The following ARID2 variants were observed in gnomAD, a reference collection of about 807,000 sequenced individuals.
ARID2 encodes the protein AT-rich interactive domain-containing protein 2.
Under a neutral mutation model 184.6 loss-of-function variants are expected in ARID2, and 32 were observed. The ratio of observed to expected loss-of-function variants is 0.17; its 90% CI spans 0.13 to 0.23. The LOEUF (loss-of-function observed/expected upper bound fraction) is 0.23. Among genes scored for constraint, ARID2 ranks in the 10% least tolerant of loss-of-function variants. The probability of loss-of-function intolerance (pLI) is 1.00; values close to 1 mark genes in which losing one functional copy is unlikely to be tolerated. For synonymous variants in ARID2, 836 were observed against 772.6 expected (o/e 1.08, Z -1.36); for missense variants, 1,696 against 2,197.6 (o/e 0.77, Z 4.56).
rs747970557 is a variant in ARID2 at position 45,904,922 on chromosome 12, GT to G, written c.5364-5del. 6.2e-7 allele frequency: 1 copy of G among 1,611,698 alleles called. No individual in the cohort carries two copies. The highest frequency in any genetic ancestry group is 8.5e-7 in the Non-Finnish European group (1 of 1,179,168). Reference sequence around the variant, plus strand: ...CTTGGAGACTGACAATCTTCTATATGTTTTTTTGCAGATTGTTAAAGAGACA... The same window carrying G: ...CTTGGAGACTGACAATCTTCTATATGTTTTTTGCAGATTGTTAAAGAGACA... On this transcript the variant is annotated splice_polypyrimidine_tract_variant and intron_variant, in intron 20 of 20. Coordinates refer to ENST00000334344, the MANE Select transcript of ARID2 (RefSeq NM_152641.4).
At chr12:45,811,745 C>G (rs943256905) in intron 4 of ARID2, among the ~76,000 whole-genome samples, 194 bp downstream of exon 4, 7 of 152,146 alleles carry the variant, frequency 4.6e-5, no homozygotes, top group African/African-American at 1.7e-4. Context: ...ATTTTAGTTG[C>G]AGGAATTTTT....
chr12:45,782,360 G>A (rs554695489), intron 3 of ARID2, among the ~76,000 whole-genome samples: 2 of 152,232 alleles, frequency 1.3e-5, no homozygotes, highest in Middle Eastern at 3.4e-3. Flanking sequence ...AGCTGGGCAC[G>A]GTGGCTCATG....
chr12:45,780,776 G>C (rs1424330617), intron 3 of ARID2, among the ~76,000 whole-genome samples: 1 of 151,838 alleles, frequency 6.6e-6, no homozygotes, highest in Non-Finnish European at 1.5e-5. Context: ...CTGCCACCAC[G>C]CCTGGCTAAT....
intron 3 of ARID2, among the ~76,000 whole-genome samples, chr12:45,771,088 G>A (rs986773128): frequency 3.3e-5 from 5 of 152,248 alleles, no homozygotes; most frequent in Middle Eastern, 3.4e-3. Context: ...CACCACCAGC[G>A]AAGGTAATTA....
chr12:45,835,631 G>A (rs1943206273), intron 6 of ARID2, among the ~76,000 whole-genome samples: 1 of 152,208 alleles, frequency 6.6e-6, no homozygotes, highest in South Asian at 2.1e-4. Context: ...GCCGGGCGCT[G>A]TGGCTCATGC....
chr12:45,905,954 T>C lies in ARID2; in HGVS notation c.*876T>C. ...TTTTCTTTTTTCTTTTTTTTTTTCT[T>C]TTTTTTTTTGTATTATACACCTTGT... is the stretch of plus-strand genomic sequence containing the variant. On this transcript the variant is annotated 3_prime_UTR_variant, in exon 21 of 21. Coordinates refer to ENST00000334344, the MANE Select transcript of ARID2 (RefSeq NM_152641.4). 5 of 220,642 alleles carry C rather than the reference T, an allele frequency of 2.3e-5. No individual in the cohort carries two copies. Among genetic ancestry groups the C allele is most frequent in the Non-Finnish European group, 1.7e-5 (2 of 114,868 alleles). The allele number at this position is 220,642 out of a possible 1,614,324, so 13.7% of individuals were successfully genotyped here. A position where few individuals can be genotyped will look rare whatever the true frequency, so the allele number is the denominator to read the frequency against.
At chr12:45,811,583 G>C (rs2138083250) in intron 4 of ARID2, 32 bp downstream of exon 4, 6 of 1,604,470 alleles carry the variant, frequency 3.7e-6, no homozygotes, top group Non-Finnish European at 5.1e-6. Flanking sequence ...CAGGATATAT[G>C]TCCGCAGTTT....
At chr12:45,895,039 GTTTC>G (rs1315459048) in intron 20 of ARID2, among the ~76,000 whole-genome samples, 2 of 152,182 alleles carry the variant, frequency 1.3e-5, no homozygotes, top group East Asian at 1.9e-4. Context: ...TCAGACATGA[GTTTC>G]TTTGTGTAGC....
intron 3 of ARID2, among the ~76,000 whole-genome samples, chr12:45,800,650 A>AAAG (rs3071491): frequency 0.62 from 93,226 of 151,566 alleles, 30,691 homozygotes; most frequent in African/African-American, 0.87. Context: ...TCATCACTGA[A>AAAG]AAGCAGTGTT....
At position 45,837,669 on chromosome 12, in the gene ARID2, T is replaced by C. The variant is rs2138132679; in HGVS notation, c.1292T>C (p.Val431Ala). The C allele has an allele frequency of 6.2e-7, 1 of 1,613,800 alleles. No homozygotes were observed. Among genetic ancestry groups the C allele is most frequent in the Non-Finnish European group, 8.5e-7 (1 of 1,179,744 alleles). The change falls in exon 10 of 21, where the codon GTT becomes GCT. Residue 431 changes from valine (V) to alanine (A), a missense_variant. Physicochemically the swap from Val to Ala is moderately conservative, Grantham distance 64. Transcript: ENST00000334344. ...TACATGCTCACGGAAATGGGAGATG[T>C]TGCTTGCACAAAAATTGCAAAAGTA... is the stretch of plus-strand genomic sequence containing the variant. The part of the protein sequence containing the change: ...VLYMLTEMGD[V>A]ACTKIAKVEK...
chr12:45,755,350 T>C (rs2138000876), intron 3 of ARID2, among the ~76,000 whole-genome samples: 1 of 152,304 alleles, frequency 6.6e-6, no homozygotes, highest in East Asian at 1.9e-4. Context: ...GTGGCAGGAA[T>C]GGCAAACACA....
chr12:45,780,610 A>AATT lies in ARID2; in HGVS notation c.285-30789_285-30787dup, dbSNP rs569637304. 7.8e-3 allele frequency among the ~76,000 whole-genome samples: 1,180 copies of AATT among 151,624 alleles called. 12 individuals are homozygous for AATT. Among genetic ancestry groups the AATT allele is most frequent in the African/African-American group, 0.023 (940 of 41,366 alleles). Reference sequence around the variant, plus strand: ...TTACATTTTAAAGTAAATTGATATAAATTATTATTATTATTATTATTTTTG... The same window carrying AATT: ...TTACATTTTAAAGTAAATTGATATAAATTATTATTATTATTATTATTATTTTTG... On this transcript the variant is annotated intron_variant, in intron 3 of 20. Transcript: ENST00000334344.
intron 3 of ARID2, among the ~76,000 whole-genome samples, chr12:45,735,356 A>G (rs574223397): frequency 6.6e-5 from 10 of 151,998 alleles, no homozygotes; most frequent in Non-Finnish European, 1.3e-4. Flanking sequence ...TGGAGATTGG[A>G]AGACAAATAT....
intron 3 of ARID2, among the ~76,000 whole-genome samples, chr12:45,779,626 A>G (rs1592071341): frequency 6.6e-6 from 1 of 152,098 alleles, no homozygotes; most frequent in Non-Finnish European, 1.5e-5. Flanking sequence ...ATAGACTTTC[A>G]CTTGAACTTT....
In ARID2 at chr12:45,852,479, A is replaced by C. The variant is rs747462829; in HGVS notation, c.4356A>C (p.Leu1452=). Residue 1452 remains leucine (L), a synonymous_variant, in exon 15 of 21, where the codon CTA becomes CTC. Coordinates refer to ENST00000334344, the MANE Select transcript of ARID2 (RefSeq NM_152641.4). ...FSGTDLLNGP[L]ASSLNSDVPQ... ...GTACTGATTTGCTTAATGGACCTCT[A>C]GCTTCAAGTTTGAATTCAGATGTGC... 6.8e-6 allele frequency: 11 copies of C among 1,614,176 alleles called. No individual in the cohort carries two copies. Among genetic ancestry groups the C allele is most frequent in the Non-Finnish European group, 9.3e-6 (11 of 1,180,014 alleles).
intron 3 of ARID2, among the ~76,000 whole-genome samples, chr12:45,779,712 A>C (rs898523369): frequency 2.0e-5 from 3 of 152,126 alleles, no homozygotes; most frequent in Admixed American, 6.5e-5. Context: ...AGTTTTGCCA[A>C]ATCAAAACTT....
intron 3 of ARID2, among the ~76,000 whole-genome samples, chr12:45,756,680 G>C (rs574107684): frequency 1.3e-5 from 2 of 152,312 alleles, no homozygotes; most frequent in East Asian, 3.9e-4. Context: ...TAGAAGAGTG[G>C]AGGAGGCTGG....
chr12:45,788,573 A>G (rs563624759), intron 3 of ARID2, among the ~76,000 whole-genome samples: 1 of 152,178 alleles, frequency 6.6e-6, no homozygotes, highest in Admixed American at 6.5e-5. Flanking sequence ...CTACGATTTG[A>G]TTAAGAAGTA....
At chr12:45,835,868 C>G (rs1480214028) in intron 6 of ARID2, among the ~76,000 whole-genome samples, 2 of 151,750 alleles carry the variant, frequency 1.3e-5, no homozygotes, top group Non-Finnish European at 2.9e-5. Flanking sequence ...CCATTGCACT[C>G]CAGCCTGGGT....
Sources: allele counts gnomAD v4.1 joint callset (sites outside exome capture counted in the v4.1 genomes callset), GRCh38; gene constraint gnomAD v4.1.1; transcripts MANE v1.5; gene names NCBI Gene and HGNC (gene_info 2026-07-23, HGNC 2026-07-21).